Variants in CRTAC1 observed in about 807,000 individuals in gnomAD.
CRTAC1 encodes cartilage acidic protein 1.
Under a neutral mutation model 67.8 loss-of-function variants are expected in CRTAC1, and 37 were observed. That is an observed-to-expected ratio of 0.55 (90% confidence interval 0.42 to 0.72). CRTAC1 has a LOEUF of 0.72. Ranked by LOEUF, CRTAC1 falls within the 30% of genes least tolerant of loss-of-function variation. The probability of loss-of-function intolerance (pLI) is 0.00; values close to 1 mark genes in which losing one functional copy is unlikely to be tolerated. For missense variants in CRTAC1, 780 were observed against 931.6 expected (o/e 0.84, Z 2.12); for synonymous variants, 348 against 371.0 (o/e 0.94, Z 0.71).
intron 4 of CRTAC1, among the ~76,000 whole-genome samples, chr10:97,920,969 C>G (rs1026936634): frequency 6.6e-6 from 1 of 151,930 alleles, no homozygotes; most frequent in Non-Finnish European, 1.5e-5. Flanking sequence ...GTGGATGTTC[C>G]GGGTTTGGAG....
At chr10:97,867,351 C>G (rs1331398973) in intron 14 of CRTAC1, 2 of 152,224 alleles carry the variant, frequency 1.3e-5, no homozygotes, top group Non-Finnish European at 2.9e-5. Flanking sequence ...AAGGGGGCTG[C>G]CTATCTCAGT....
At chr10:97,944,734 C>G (rs564832584) in intron 2 of CRTAC1, among the ~76,000 whole-genome samples, 1 of 152,120 alleles carries the variant, frequency 6.6e-6, no homozygotes, top group African/African-American at 2.4e-5. Flanking sequence ...CTGAGCCTAG[C>G]CTGCAAGGGG....
intron 3 of CRTAC1, among the ~76,000 whole-genome samples, chr10:97,932,378 A>T (rs1248130930): frequency 6.6e-6 from 1 of 152,210 alleles, no homozygotes; most frequent in African/African-American, 2.4e-5. Context: ...ACTAAGTGAC[A>T]GTCACTCCTT....
At chr10:97,941,331 C>T (rs2051172449) in intron 2 of CRTAC1, among the ~76,000 whole-genome samples, 2 of 152,138 alleles carry the variant, frequency 1.3e-5, no homozygotes, top group Non-Finnish European at 2.9e-5. Context: ...CTCTCCCTTC[C>T]CTTTTAATGT....
chr10:97,999,229 A>ACAGCTGCAGCTATCCAAACCC lies in CRTAC1; in HGVS notation c.224+11888_224+11908dup, dbSNP rs1410248252. Among the ~76,000 whole-genome samples the ACAGCTGCAGCTATCCAAACCC allele has an allele frequency of 3.9e-5, 6 of 152,346 alleles. No individual in the cohort carries two copies. The East Asian group carries it at 1.2e-3, about 29-fold the overall frequency. On this transcript the variant is annotated intron_variant, in intron 2 of 14. Coordinates refer to ENST00000370597, the MANE Select transcript of CRTAC1 (RefSeq NM_018058.7). ...AGGCATGAGCCCCACCATCCTGGGC[A>ACAGCTGCAGCTATCCAAACCC]CAGCTGCAGCTATCCAAACCCCAGC...
At chr10:98,027,166 CAAAA>C (rs372224632) in intron 1 of CRTAC1, among the ~76,000 whole-genome samples, 1 of 116,244 alleles carries the variant, frequency 8.6e-6, no homozygotes, top group South Asian at 2.7e-4. Context: ...GACTCCGTCT[CAAAA>C]AAAAAAAAAA....
chr10:97,865,842 C>T (rs2050016543), intron 14 of CRTAC1, 128 bp from the exon 15 acceptor site: 1 of 1,268,102 alleles, frequency 7.9e-7, no homozygotes, highest in Non-Finnish European at 1.1e-6. Context: ...GGGTGACGGG[C>T]CTCATATTTC....
intron 3 of CRTAC1, among the ~76,000 whole-genome samples, chr10:97,933,199 C>T (rs1290298217): frequency 2.6e-5 from 4 of 152,248 alleles, no homozygotes; most frequent in Admixed American, 2.6e-4. Flanking sequence ...CGCCCACTGT[C>T]GATTAACCAA....
chr10:97,906,951 T>C (rs2050620304), intron 6 of CRTAC1, among the ~76,000 whole-genome samples: 1 of 152,142 alleles, frequency 6.6e-6, no homozygotes. Context: ...TAGATCCCAC[T>C]CACCACTCCT....
At chr10:97,988,496 C>T (rs555249014) in intron 2 of CRTAC1, among the ~76,000 whole-genome samples, 265 of 152,056 alleles carry the variant, frequency 1.7e-3, no homozygotes, top group Non-Finnish European at 2.8e-3. Flanking sequence ...CCGAGGCAGG[C>T]GGATCACTTG....
intron 1 of CRTAC1, among the ~76,000 whole-genome samples, chr10:98,024,759 T>C (rs1432145886): frequency 1.9e-5 from 2 of 104,404 alleles, no homozygotes; most frequent in African/African-American, 7.7e-5. Flanking sequence ...TTTTTTTTTT[T>C]TTTTTTTTTT....
At chr10:97,929,400 A>G (rs1160724276) in intron 3 of CRTAC1, among the ~76,000 whole-genome samples, 2 of 152,196 alleles carry the variant, frequency 1.3e-5, no homozygotes, top group African/African-American at 2.4e-5. Context: ...GTTGTGTCAT[A>G]AAGAACTCTT....
chr10:98,015,673 T>C (rs978720726), intron 1 of CRTAC1, among the ~76,000 whole-genome samples: 16 of 152,222 alleles, frequency 1.1e-4, no homozygotes, highest in African/African-American at 3.9e-4. Flanking sequence ...ATGATTCTAA[T>C]ATGTTGCAAA....
At chr10:97,957,621 C>G (rs146252314) in intron 2 of CRTAC1, among the ~76,000 whole-genome samples, 1 of 152,138 alleles carries the variant, frequency 6.6e-6, no homozygotes, top group Non-Finnish European at 1.5e-5. Flanking sequence ...CTAGAGCTCA[C>G]GTTCTTAACA....
intron 11 of CRTAC1, among the ~76,000 whole-genome samples, chr10:97,892,367 G>A (rs148167179): frequency 1.8e-4 from 27 of 152,304 alleles, no homozygotes; most frequent in Middle Eastern, 6.8e-3. Flanking sequence ...TTGGCACAAC[G>A]GAGTGGGGGA....
chr10:97,947,523 G>A (rs1446905165), intron 2 of CRTAC1, among the ~76,000 whole-genome samples: 2 of 152,238 alleles, frequency 1.3e-5, no homozygotes, highest in African/African-American at 4.8e-5. Flanking sequence ...ATAGAAGTGT[G>A]TGTTGGACAG....
intron 3 of CRTAC1, among the ~76,000 whole-genome samples, chr10:97,931,256 A>C (rs1004937821): frequency 6.6e-6 from 1 of 152,352 alleles, no homozygotes; most frequent in South Asian, 2.1e-4. Context: ...CTTCCTGAGC[A>C]GTGGCCCTAG....
chr10:97,982,848 G>C (rs997307048), intron 2 of CRTAC1, among the ~76,000 whole-genome samples: 17 of 152,212 alleles, frequency 1.1e-4, no homozygotes, highest in African/African-American at 3.6e-4. Flanking sequence ...TGAAGAAAGT[G>C]GGAAAGTTGT....
intron 2 of CRTAC1, among the ~76,000 whole-genome samples, chr10:97,996,243 T>C (rs1037653792): frequency 5.9e-5 from 9 of 151,716 alleles, no homozygotes; most frequent in African/African-American, 1.9e-4. Flanking sequence ...GGGATCTAAT[T>C]AAACTCAAGA....
Sources: allele counts gnomAD v4.1 joint callset (sites outside exome capture counted in the v4.1 genomes callset), GRCh38; gene constraint gnomAD v4.1.1; transcripts MANE v1.5; gene names NCBI Gene and HGNC (gene_info 2026-07-23, HGNC 2026-07-21).